LRRC37A2: variants seen among roughly 807,000 people sequenced by gnomAD.
LRRC37A2 encodes leucine rich repeat containing 37 member A2.
LRRC37A2 carries 9 observed loss-of-function variants against 68.8 expected under a neutral mutation model. That is an observed-to-expected ratio of 0.13 (90% CI 0.08 to 0.23). The LOEUF is 0.23. LRRC37A2 is among the 10% of genes least tolerant of loss of function. The probability of loss-of-function intolerance (pLI) is 1.00; values close to 1 mark genes in which losing one functional copy is unlikely to be tolerated. For synonymous variants in LRRC37A2, 63 were observed against 367.6 expected, an observed-to-expected ratio of 0.17 and a Z score of 9.48; for missense variants, 168 against 950.4, an observed-to-expected ratio of 0.18 and a Z score of 10.82.
the LRRC37A2 span, among the ~76,000 whole-genome samples, chr17:46,848,588 G>A: frequency 8.5e-5 from 13 of 152,302 alleles, no homozygotes; most frequent in South Asian, 2.1e-4. Context: ...TTTCACTGCC[G>A]TCTCCCCCTC....
the LRRC37A2 span, among the ~76,000 whole-genome samples, chr17:46,633,824 T>A: frequency 0.16 from 15,610 of 98,176 alleles, 837 homozygotes; most frequent in East Asian, 0.42. Flanking sequence ...TAAGCTCTTT[T>A]GCCTATCAAA....
At chr17:47,027,490 G>A in the LRRC37A2 span, 3 of 768,804 alleles carry the variant, frequency 3.9e-6, no homozygotes, top group Non-Finnish European at 6.8e-6. Flanking sequence ...CTAAACTCTT[G>A]CTATTATTCA....
the LRRC37A2 span, among the ~76,000 whole-genome samples, chr17:47,023,449 G>A: frequency 1.3e-5 from 2 of 152,200 alleles, no homozygotes; most frequent in African/African-American, 4.8e-5. Context: ...CACCTTGGGA[G>A]GTAGGCGGAT....
the LRRC37A2 span, among the ~76,000 whole-genome samples, chr17:47,005,944 A>G: frequency 6.6e-6 from 1 of 152,250 alleles, no homozygotes; most frequent in African/African-American, 2.4e-5. Context: ...GAAACCTGCT[A>G]TTTAAAAATC....
chr17:46,940,219 T>A, the LRRC37A2 span: 1 of 1,417,718 alleles, frequency 7.1e-7, no homozygotes, highest in Non-Finnish European at 9.2e-7. Context: ...TGTCATAGAT[T>A]AACTGAGTTT....
chr17:46,978,943 C>T, the LRRC37A2 span: 1 of 1,455,084 alleles, frequency 6.9e-7, no homozygotes, highest in East Asian at 3.0e-5. Flanking sequence ...CAGGGCGGCC[C>T]CGGCGCCGCC....
At chr17:46,853,279 A>G in the LRRC37A2 span, among the ~76,000 whole-genome samples, 2 of 148,086 alleles carry the variant, frequency 1.4e-5, no homozygotes, top group Non-Finnish European at 3.0e-5. Context: ...TATACTGCCT[A>G]TTTTATAAGA....
chr17:46,901,858 G>A, the LRRC37A2 span, among the ~76,000 whole-genome samples: 1 of 149,242 alleles, frequency 6.7e-6, no homozygotes, highest in Non-Finnish European at 1.5e-5. Context: ...CCAGGCTGGA[G>A]CGCAATGGCG....
chr17:46,770,841 A>C, the LRRC37A2 span, among the ~76,000 whole-genome samples: 2 of 152,214 alleles, frequency 1.3e-5, no homozygotes, highest in Non-Finnish European at 2.9e-5. Flanking sequence ...CTTCATTCAC[A>C]TGGAAAGTTT....
the LRRC37A2 span, among the ~76,000 whole-genome samples, chr17:46,711,479 C>T: frequency 6.6e-6 from 1 of 152,114 alleles, no homozygotes; most frequent in Admixed American, 6.5e-5. Flanking sequence ...TTCAAGTGTT[C>T]ATTCAGTCTG....
the LRRC37A2 span, among the ~76,000 whole-genome samples, chr17:46,777,348 C>T: frequency 2.0e-5 from 3 of 152,392 alleles, no homozygotes; most frequent in South Asian, 2.1e-4. Context: ...GCTGGCAAGG[C>T]GGCTCCTCAC....
chr17:46,895,462 GT>G, the LRRC37A2 span, among the ~76,000 whole-genome samples: 2 of 152,210 alleles, frequency 1.3e-5, no homozygotes, highest in Admixed American at 1.3e-4. Flanking sequence ...AGTGGCCGTG[GT>G]GCCTACCATG....
At chr17:46,454,358 C>T in the LRRC37A2 span, among the ~76,000 whole-genome samples, 26,996 of 67,384 alleles carry the variant, frequency 0.4, 10,116 homozygotes, top group Middle Eastern at 0.67. Flanking sequence ...TGCTGGGCAT[C>T]ATGCTGGGTG....
At chr17:46,923,563 C>T in the LRRC37A2 span, 1 of 1,310,764 alleles carries the variant, frequency 7.6e-7, no homozygotes, top group East Asian at 2.9e-5. Flanking sequence ...TGGTAGACCT[C>T]GAGAGGAGAC....
At chr17:46,836,099 T>TGTGTGTGTGTGTGTGTGTGTGTGTGTGC in the LRRC37A2 span, among the ~76,000 whole-genome samples, 1 of 120,776 alleles carries the variant, frequency 8.3e-6, no homozygotes, top group East Asian at 2.0e-4. Flanking sequence ...CGCTGACGTG[T>TGTGTGTGTGTGTGTGTGTGTGTGTGTGC]GTGTGTGTGT....
the LRRC37A2 span, among the ~76,000 whole-genome samples, chr17:46,797,008 T>A: frequency 6.6e-6 from 1 of 151,984 alleles, no homozygotes; most frequent in Non-Finnish European, 1.5e-5. Context: ...ATTTTCCAAA[T>A]GGGGGAAAAT....
the LRRC37A2 span, among the ~76,000 whole-genome samples, chr17:46,856,866 A>G: frequency 6.6e-6 from 1 of 152,212 alleles, no homozygotes; most frequent in Non-Finnish European, 1.5e-5. Flanking sequence ...TCCAATGACT[A>G]CATAGAACAT....
the LRRC37A2 span, among the ~76,000 whole-genome samples, chr17:46,971,329 T>G: frequency 1.3e-5 from 2 of 152,208 alleles, no homozygotes; most frequent in African/African-American, 4.8e-5. Flanking sequence ...AGAGCGAGAC[T>G]CCTTCTCAAA....
chr17:47,003,023 C>T, the LRRC37A2 span, among the ~76,000 whole-genome samples: 18 of 152,126 alleles, frequency 1.2e-4, no homozygotes, highest in African/African-American at 4.1e-4. Context: ...AAGTGGATCA[C>T]TTGAGGCCAG....
Sources: gnomAD v4.1 joint callset for allele counts (sites outside exome capture counted in the v4.1 genomes callset) on GRCh38, gnomAD v4.1.1 for gene constraint, MANE v1.5 for transcripts, NCBI Gene and HGNC (gene_info 2026-07-23, HGNC 2026-07-21) for gene names.